The following SCHIP1 variants were observed in gnomAD, a reference collection of about 807,000 sequenced individuals.
The protein encoded by SCHIP1 is schwannomin interacting protein 1.
SCHIP1 carries 8 observed loss-of-function variants against 29.7 expected under a neutral mutation model. That is an observed-to-expected ratio of 0.27 (90% confidence interval 0.16 to 0.49). The LOEUF (loss-of-function observed/expected upper bound fraction) is 0.49, where lower values mean the gene tolerates loss of function less well. Ranked by LOEUF, SCHIP1 falls within the 20% of genes least tolerant of loss-of-function variation. The pLI is 0.99. For synonymous variants in SCHIP1, 76 were observed against 94.9 expected (o/e 0.80, Z 1.16); for missense variants, 193 against 294.6 (o/e 0.66, Z 2.52).
At chr3:159,660,178 G>T in the SCHIP1 span, among the ~76,000 whole-genome samples, 2 of 151,990 alleles carry the variant, frequency 1.3e-5, no homozygotes, top group Non-Finnish European at 2.9e-5. Context: ...AGTGCTGGGG[G>T]CAGTTGATTT....
At chr3:159,661,555 TAAAG>T in the SCHIP1 span, among the ~76,000 whole-genome samples, 7 of 152,314 alleles carry the variant, frequency 4.6e-5, no homozygotes, top group East Asian at 1.4e-3. Flanking sequence ...AGAAATAAAT[TAAAG>T]AGTGTCTAAT....
the SCHIP1 span, chr3:159,273,917 G>T: frequency 6.2e-7 from 1 of 1,610,474 alleles, no homozygotes; most frequent in African/African-American, 1.3e-5. Flanking sequence ...TCTATTTTAG[G>T]TGTATCATAT....
chr3:159,460,236 G>A, the SCHIP1 span, among the ~76,000 whole-genome samples: 1 of 152,296 alleles, frequency 6.6e-6, no homozygotes, highest in East Asian at 1.9e-4. Flanking sequence ...CAGTTGCTGT[G>A]GCTTAGGGAA....
the SCHIP1 span, among the ~76,000 whole-genome samples, chr3:159,416,135 T>G: frequency 1.3e-5 from 2 of 152,206 alleles, no homozygotes; most frequent in African/African-American, 4.8e-5. Context: ...CTTGGGCATT[T>G]TTAATATTTC....
the SCHIP1 span, among the ~76,000 whole-genome samples, chr3:159,622,246 A>C: frequency 1.3e-5 from 2 of 152,232 alleles, no homozygotes; most frequent in South Asian, 4.1e-4. Flanking sequence ...CTGACCAGAA[A>C]CGAATGGGGC....
At chr3:159,426,714 G>A in the SCHIP1 span, among the ~76,000 whole-genome samples, 1 of 152,068 alleles carries the variant, frequency 6.6e-6, no homozygotes, top group African/African-American at 2.4e-5. Flanking sequence ...TACCAAAGCT[G>A]GGCAGAGACA....
the SCHIP1 span, among the ~76,000 whole-genome samples, chr3:159,656,821 G>A: frequency 9.9e-5 from 15 of 152,174 alleles, no homozygotes; most frequent in Admixed American, 9.8e-4. Flanking sequence ...GCTCAGAGAA[G>A]TTTGTAAACT....
the SCHIP1 span, among the ~76,000 whole-genome samples, chr3:159,677,196 T>G: frequency 1.3e-5 from 2 of 152,174 alleles, no homozygotes. Flanking sequence ...CCTATTCATT[T>G]GAGGGAATTT....
chr3:159,287,822 A>C, the SCHIP1 span, among the ~76,000 whole-genome samples: 1 of 152,218 alleles, frequency 6.6e-6, no homozygotes, highest in Non-Finnish European at 1.5e-5. Flanking sequence ...CTGGATCTTA[A>C]CTTCCATGCT....
chr3:159,529,061 A>C, the SCHIP1 span, among the ~76,000 whole-genome samples: 2 of 152,200 alleles, frequency 1.3e-5, no homozygotes, highest in South Asian at 2.1e-4. Context: ...TAAGTCTTAG[A>C]TAATATATAT....
intron 2 of SCHIP1, among the ~76,000 whole-genome samples, chr3:159,868,627 T>C (rs1320753180): frequency 6.6e-6 from 1 of 152,126 alleles, no homozygotes; most frequent in African/African-American, 2.4e-5. Flanking sequence ...TAGAATTGCC[T>C]CCTTTCTCCC....
the SCHIP1 span, among the ~76,000 whole-genome samples, chr3:159,396,075 T>G: frequency 6.9e-6 from 1 of 145,896 alleles, no homozygotes; most frequent in Non-Finnish European, 1.5e-5. Flanking sequence ...CATTATGTAA[T>G]GGCCTTCTTT....
At chr3:159,436,903 C>T in the SCHIP1 span, among the ~76,000 whole-genome samples, 1 of 151,988 alleles carries the variant, frequency 6.6e-6, no homozygotes, top group Non-Finnish European at 1.5e-5. Flanking sequence ...CTTTATTTGT[C>T]CTCTAGGAAG....
intron 3 of SCHIP1, 72 bp downstream of exon 4, chr3:159,886,396 A>T: frequency 7.3e-7 from 1 of 1,364,432 alleles, no homozygotes. Flanking sequence ...TTCTGTTGTA[A>T]GGTGAATCAG....
the SCHIP1 span, among the ~76,000 whole-genome samples, chr3:159,607,642 A>T: frequency 6.6e-6 from 1 of 152,168 alleles, no homozygotes. Context: ...GGTTGTCAAG[A>T]GTCAGAAAAC....
rs2109432905 is a variant in SCHIP1, at chr3:159,886,080, G to A, written c.150-127G>A. On this transcript the variant is annotated intron_variant, in intron 2 of 6. Transcript: ENST00000445224. ...TATTTATATGTGGAGAGTAATATTG[G>A]TTGCTCATTTCTCCATGTGAAGAAC... 4 of 851,686 alleles carry A rather than the reference G, an allele frequency of 4.7e-6. No homozygotes were observed. In the Middle Eastern group the frequency reaches 7.7e-4, roughly 164 times the overall value. The allele number at this position is 851,686 out of a possible 1,614,324, so 52.8% of individuals were successfully genotyped here. A position where few individuals can be genotyped will look rare whatever the true frequency, so the allele number is the denominator to read the frequency against.
Position 159,861,315 on chromosome 3 carries a change from G to A in SCHIP1, c.31-4848G>A, listed in dbSNP as rs1714040069. ...CCGAAAAAAAGGGTGGAAAGGTCCTGGGGACATATTAGATTTGAAGATAGA... is the reference window on the plus strand; with the variant it reads ...CCGAAAAAAAGGGTGGAAAGGTCCTAGGGACATATTAGATTTGAAGATAGA... On this transcript the variant is annotated intron_variant, in intron 1 of 6. Transcript: ENST00000445224. This position sits in a 1 kb window ranked among gnomAD's most constrained non-coding sequence, Gnocchi z 4.1. 6.6e-6 allele frequency among the ~76,000 whole-genome samples: 1 copy of A among 152,142 alleles called. No homozygotes were observed. Among genetic ancestry groups the A allele is most frequent in the East Asian group, 1.9e-4 (1 of 5,190 alleles).
the SCHIP1 span, among the ~76,000 whole-genome samples, chr3:159,293,730 A>C: frequency 6.6e-6 from 1 of 152,060 alleles, no homozygotes; most frequent in Non-Finnish European, 1.5e-5. Context: ...TAGCTGCTGG[A>C]GTTTAAAAGC....
At chr3:159,684,425 G>A in the SCHIP1 span, among the ~76,000 whole-genome samples, 776 of 152,276 alleles carry the variant, frequency 5.1e-3, 10 homozygotes, top group Admixed American at 0.024. Context: ...CTCAGGAAAG[G>A]TGAGTAATAC....
Sources: allele counts gnomAD v4.1 joint callset (sites outside exome capture counted in the v4.1 genomes callset), GRCh38; gene constraint gnomAD v4.1.1; non-coding constraint Gnocchi (gnomAD v3.1); transcripts MANE v1.5; gene names NCBI Gene and HGNC (gene_info 2026-07-23, HGNC 2026-07-21).